Variants in PPP2R2B observed in about 807,000 individuals in gnomAD.
PPP2R2B encodes the protein serine/threonine-protein phosphatase 2A 55 kDa regulatory subunit B beta isoform.
In PPP2R2B, 5 loss-of-function variants were observed where a neutral mutation model predicts 46.0. The ratio of observed to expected loss-of-function variants is 0.11; its 90% CI spans 0.06 to 0.23. The LOEUF is 0.23. Ranked by LOEUF, PPP2R2B falls within the 10% of genes least tolerant of loss-of-function variation. The pLI, the probability that PPP2R2B is intolerant of heterozygous loss-of-function variation, is 1.00. For synonymous variants in PPP2R2B, 215 were observed against 206.7 expected (o/e 1.04, Z -0.34); for missense variants, 367 against 575.0 (o/e 0.64, Z 3.70).
At chr5:146,935,276 A>C (rs907270796) in intron 1 of PPP2R2B, among the ~76,000 whole-genome samples, 2 of 152,194 alleles carry the variant, frequency 1.3e-5, no homozygotes, top group Non-Finnish European at 2.9e-5. Flanking sequence ...TCCTTCCATC[A>C]TGTGAGGTAC....
Position 146,706,526 on chromosome 5 carries a change from C to G in PPP2R2B, c.71-5384G>C, listed in dbSNP as rs370087995. The stretch of plus-strand genomic sequence containing the variant: ...TCTGGTAGGCACGCAGCTGCCGCGC[C>G]ATGTCCTACTTGGTCTGCTGAAGGG... On this transcript the variant is annotated intron_variant, in intron 2 of 9. Coordinates refer to ENST00000394411, the MANE Select transcript of PPP2R2B (RefSeq NM_181675.4). 5.9e-6 allele frequency: 7 copies of G among 1,177,442 alleles called. No individual in the cohort carries two copies. The South Asian group carries it at 7.3e-5, about 12-fold the overall frequency. The allele number at this position is 1,177,442 out of a possible 1,614,324, so 72.9% of individuals were successfully genotyped here.
intron 1 of PPP2R2B, among the ~76,000 whole-genome samples, chr5:147,052,498 T>G (rs542284905): frequency 6.6e-6 from 1 of 152,316 alleles, no homozygotes; most frequent in African/African-American, 2.4e-5. Context: ...AGAAACCCAG[T>G]TCTTTAAAAG....
Position 146,957,202 on chromosome 5 carries a change from A to T in PPP2R2B, c.79+98463T>A, listed in dbSNP as rs562069017. 9.2e-5 allele frequency among the ~76,000 whole-genome samples: 14 copies of T among 152,310 alleles called. No homozygotes were observed. The South Asian group carries it at 2.3e-3, about 25-fold the overall frequency. ...GAGCTTCAAAATGGAGGGGACATAC[A>T]CTACCCAGGTGAGTCTTATTTAAAA... On this transcript the variant is annotated intron_variant, in intron 1 of 8. Transcript: ENST00000336640.
intron 2 of PPP2R2B, among the ~76,000 whole-genome samples, chr5:146,758,086 G>A (rs1245001477): frequency 6.6e-6 from 1 of 152,244 alleles, no homozygotes; most frequent in East Asian, 1.9e-4. Flanking sequence ...TCACATTATG[G>A]TTCTGTTTAT....
intron 1 of PPP2R2B, among the ~76,000 whole-genome samples, chr5:147,002,256 A>G (rs944080862): frequency 1.3e-5 from 2 of 152,092 alleles, no homozygotes; most frequent in African/African-American, 4.8e-5. Context: ...CCTGTTGTAG[A>G]GGGGATTATC....
chr5:146,724,339 A>G (rs1751711102), intron 2 of PPP2R2B, among the ~76,000 whole-genome samples: 1 of 151,884 alleles, frequency 6.6e-6, no homozygotes, highest in African/African-American at 2.4e-5. Flanking sequence ...GGGTTACATG[A>G]GAATATAAAC....
At chr5:146,720,481 C>G (rs1180732465) in intron 2 of PPP2R2B, among the ~76,000 whole-genome samples, 1 of 152,250 alleles carries the variant, frequency 6.6e-6, no homozygotes, top group Non-Finnish European at 1.5e-5. Context: ...CTTGGTTAAT[C>G]TAAAATATAT....
At chr5:147,075,663 C>T (rs6877326) in intron 2 of PPP2R2B, among the ~76,000 whole-genome samples, 7,528 of 152,150 alleles carry the variant, frequency 0.049, 327 homozygotes, top group African/African-American at 0.11. Flanking sequence ...GTGTTAGTAA[C>T]GGTGTCCACC....
chr5:147,002,673 A>C (rs1384495010), intron 1 of PPP2R2B, among the ~76,000 whole-genome samples: 4 of 152,026 alleles, frequency 2.6e-5, no homozygotes, highest in African/African-American at 9.7e-5. Context: ...TCTAGGAGGA[A>C]AACTAGTGTT....
rs113405259 is a variant in PPP2R2B at position 146,878,378 on chromosome 5, C to A, written c.-124-183G>T. On this transcript the variant is annotated intron_variant, in intron 1 of 9. Coordinates refer to ENST00000394411, the MANE Select transcript of PPP2R2B (RefSeq NM_181675.4). This position sits in a 1 kb window ranked among gnomAD's most constrained non-coding sequence, Gnocchi z 4.5. ...GCTGCCTCCGGGTGCCAAGATACGC[C>A]GTGCCCCGAGGGGTCTGGTCCCGCC... 9.1e-4 allele frequency: 1,307 copies of A among 1,433,560 alleles called. 8 individuals carry two copies. The African/African-American group carries it at 0.016, about 18-fold the overall frequency. 88.8% of individuals were successfully genotyped at this position (1,433,560 alleles called of 1,614,324 possible).
Position 146,961,653 on chromosome 5 carries a change from T to C in PPP2R2B, c.79+94012A>G, listed in dbSNP as rs372958718. Reference sequence around the variant, plus strand: ...TTTGTTTGGTGATGCCTTTTATATGTTAAGAGTATTAACCCATTGAAAACC... The same window carrying C: ...TTTGTTTGGTGATGCCTTTTATATGCTAAGAGTATTAACCCATTGAAAACC... On this transcript the variant is annotated intron_variant, in intron 1 of 8. Coordinates refer to the PPP2R2B transcript ENST00000336640. Among the ~76,000 whole-genome samples, 15 of 152,318 alleles carry C rather than the reference T, an allele frequency of 9.8e-5. No homozygotes were observed. In the East Asian group the frequency reaches 2.5e-3, roughly 26 times the overall value.
intron 1 of PPP2R2B, among the ~76,000 whole-genome samples, chr5:147,043,194 T>C (rs1007289556): frequency 5.9e-5 from 9 of 151,958 alleles, no homozygotes; most frequent in African/African-American, 1.7e-4. Flanking sequence ...TGCTTGAGAA[T>C]TGGGGCAAAG....
intron 1 of PPP2R2B, among the ~76,000 whole-genome samples, chr5:146,938,119 G>C (rs772353046): frequency 6.6e-6 from 1 of 152,122 alleles, no homozygotes; most frequent in Admixed American, 6.5e-5. Flanking sequence ...GTATTTCATG[G>C]ATTCCAACAC....
At chr5:147,054,857 A>G (rs1444787088) in intron 1 of PPP2R2B, among the ~76,000 whole-genome samples, 2 of 152,218 alleles carry the variant, frequency 1.3e-5, no homozygotes, top group Non-Finnish European at 2.9e-5. Context: ...TTCTTTTTCT[A>G]GGATATGTCA....
intron 5 of PPP2R2B, among the ~76,000 whole-genome samples, chr5:146,660,539 T>C (rs1776608410): frequency 6.6e-6 from 1 of 152,174 alleles, no homozygotes; most frequent in African/African-American, 2.4e-5. Context: ...AGGCTGGCTC[T>C]GGCTTACAGC....
intron 2 of PPP2R2B, among the ~76,000 whole-genome samples, chr5:146,763,123 G>A (rs961121731): frequency 1.1e-4 from 16 of 152,098 alleles, no homozygotes; most frequent in African/African-American, 3.4e-4. Context: ...TGAACTGAAC[G>A]CACAGTTAAA....
intron 6 of PPP2R2B, among the ~76,000 whole-genome samples, chr5:146,640,853 A>C (rs1775162663): frequency 6.6e-6 from 1 of 152,072 alleles, no homozygotes; most frequent in East Asian, 1.9e-4. Context: ...TGCCCACGAG[A>C]TCTGCCCAGA....
chr5:146,671,185 A>G (rs1283310120), intron 5 of PPP2R2B, among the ~76,000 whole-genome samples: 1 of 152,226 alleles, frequency 6.6e-6, no homozygotes, highest in Non-Finnish European at 1.5e-5. Context: ...CACATATCCT[A>G]GACTTTGGGA....
intron 2 of PPP2R2B, among the ~76,000 whole-genome samples, chr5:146,851,067 C>T (rs752392633): frequency 1.3e-4 from 20 of 151,890 alleles, no homozygotes; most frequent in East Asian, 3.9e-4. Flanking sequence ...TTTATCATAT[C>T]GAAATGAATA....
Sources: gnomAD v4.1 joint callset for allele counts (sites outside exome capture counted in the v4.1 genomes callset) on GRCh38, gnomAD v4.1.1 for gene constraint, Gnocchi (gnomAD v3.1) non-coding constraint, MANE v1.5 for transcripts, NCBI Gene and HGNC (gene_info 2026-07-23, HGNC 2026-07-21) for gene names.